The following DYM variants were observed in gnomAD, a reference collection of about 807,000 sequenced individuals.
DYM encodes dymeclin, also known as dyggve-Melchior-Clausen syndrome protein.
In DYM, 78 loss-of-function variants were observed where a neutral mutation model predicts 93.1. That is an observed-to-expected ratio of 0.84 (90% CI 0.70 to 1.01). The LOEUF is 1.01. DYM is among the 50% of genes least tolerant of loss of function. DYM has a pLI of 0.00. For missense variants in DYM, 789 were observed against 845.0 expected (o/e 0.93, Z 0.82); for synonymous variants, 321 against 319.7 (o/e 1.00, Z -0.04).
At chr18:49,270,262 A>T (rs1341472116) in intron 11 of DYM, among the ~76,000 whole-genome samples, 1 of 152,244 alleles carries the variant, frequency 6.6e-6, no homozygotes, top group Non-Finnish European at 1.5e-5. Context: ...TCAGCCTTAA[A>T]AAAGAAGACC....
intron 15 of DYM, among the ~76,000 whole-genome samples, chr18:49,151,707 A>G (rs1412167067): frequency 6.6e-6 from 1 of 152,180 alleles, no homozygotes; most frequent in Non-Finnish European, 1.5e-5. Context: ...GGTTTCAAGA[A>G]TTAGATGCTT....
chr18:49,382,787 C>A (rs1401337039), intron 3 of DYM, among the ~76,000 whole-genome samples: 3 of 152,174 alleles, frequency 2.0e-5, no homozygotes, highest in African/African-American at 7.2e-5. Context: ...TTGTAGCAGT[C>A]TGTTAACTAG....
intron 2 of DYM, among the ~76,000 whole-genome samples, chr18:49,395,573 G>A (rs1486519299): frequency 1.3e-5 from 2 of 151,830 alleles, no homozygotes; most frequent in African/African-American, 4.8e-5. Flanking sequence ...AGGTTGTGGT[G>A]AGCCAAGATT....
chr18:49,162,746 C>A (rs1273504567), intron 15 of DYM, among the ~76,000 whole-genome samples: 1 of 152,220 alleles, frequency 6.6e-6, no homozygotes, highest in Non-Finnish European at 1.5e-5. Flanking sequence ...CTGATGAGAG[C>A]AGAGCCAATT....
At chr18:49,400,827 T>C (rs1453388769) in intron 2 of DYM, among the ~76,000 whole-genome samples, 7 of 152,182 alleles carry the variant, frequency 4.6e-5, no homozygotes. Context: ...AATGAGGTAG[T>C]AAGGAACTGG....
chr18:49,335,053 G>C (rs999587646), intron 6 of DYM, among the ~76,000 whole-genome samples: 4 of 152,162 alleles, frequency 2.6e-5, no homozygotes, highest in African/African-American at 7.2e-5. Context: ...GTTGCAGTGA[G>C]CCAAGATCGT....
chr18:49,244,310 G>A (rs958624635), intron 13 of DYM, among the ~76,000 whole-genome samples: 5 of 152,174 alleles, frequency 3.3e-5, no homozygotes, highest in African/African-American at 1.2e-4. Context: ...GGGTGTCTGG[G>A]ACCCCCACTA....
intron 17 of DYM, among the ~76,000 whole-genome samples, chr18:49,092,221 G>A (rs1568406058): frequency 6.6e-6 from 1 of 152,180 alleles, no homozygotes; most frequent in Non-Finnish European, 1.5e-5. Context: ...GAGAGAAATA[G>A]GGGAGTCCTA....
At chr18:49,397,224 C>T (rs2070213976) in intron 2 of DYM, among the ~76,000 whole-genome samples, 1 of 152,118 alleles carries the variant, frequency 6.6e-6, no homozygotes, top group African/African-American at 2.4e-5. Flanking sequence ...AAAATGATAA[C>T]TATTATTGAT....
chr18:49,091,055 T>G, intron 17 of DYM, among the ~76,000 whole-genome samples: 1 of 152,210 alleles, frequency 6.6e-6, no homozygotes, highest in East Asian at 1.9e-4. Flanking sequence ...GCTGACCTTT[T>G]AAGAGTCTAT....
At chr18:49,343,024 G>A (rs945363726) in intron 6 of DYM, among the ~76,000 whole-genome samples, 2 of 152,164 alleles carry the variant, frequency 1.3e-5, no homozygotes, top group African/African-American at 2.4e-5. Flanking sequence ...TAAAAATAGC[G>A]AGAACAGAAT....
chr18:49,177,614 AT>A (rs2089523891), intron 14 of DYM, among the ~76,000 whole-genome samples: 1 of 152,268 alleles, frequency 6.6e-6, no homozygotes, highest in Non-Finnish European at 1.5e-5. Context: ...CTATAAAAAA[AT>A]CTTATGTCTG....
chr18:49,264,173 A>G (rs538885991), intron 11 of DYM, among the ~76,000 whole-genome samples: 50 of 149,938 alleles, frequency 3.3e-4, no homozygotes, highest in Non-Finnish European at 5.2e-4. Context: ...GCTTTACAAT[A>G]TTTCATTTAC....
At chr18:49,383,297 A>G (rs1427590795) in intron 3 of DYM, among the ~76,000 whole-genome samples, 1 of 152,110 alleles carries the variant, frequency 6.6e-6, no homozygotes, top group African/African-American at 2.4e-5. Context: ...TTTTTTTTTA[A>G]GAATCCTTAT....
At chr18:49,121,974 G>A (rs2082419244) in intron 15 of DYM, among the ~76,000 whole-genome samples, 1 of 152,168 alleles carries the variant, frequency 6.6e-6, no homozygotes, top group Non-Finnish European at 1.5e-5. Context: ...CACAAGGGAA[G>A]CGAGATATTT....
At chr18:49,238,032 C>T (rs556301540) in intron 13 of DYM, among the ~76,000 whole-genome samples, 3 of 151,738 alleles carry the variant, frequency 2.0e-5, no homozygotes, top group African/African-American at 7.3e-5. Flanking sequence ...TAAACTAGTA[C>T]ATTGTCATTT....
At chr18:49,422,705 T>C (rs139979789) in intron 2 of DYM, among the ~76,000 whole-genome samples, 2,312 of 152,104 alleles carry the variant, frequency 0.015, 33 homozygotes, top group Non-Finnish European at 0.024. Flanking sequence ...GAGGAAGATA[T>C]AACAAGCAAA....
chr18:49,241,364 A>G (rs1568084382), intron 13 of DYM, among the ~76,000 whole-genome samples: 1 of 152,216 alleles, frequency 6.6e-6, no homozygotes, highest in Non-Finnish European at 1.5e-5. Context: ...TATTAGCTAC[A>G]TGACCTTGGC....
chr18:49,324,184 G>A (rs891482699), intron 8 of DYM, among the ~76,000 whole-genome samples: 2 of 146,666 alleles, frequency 1.4e-5, no homozygotes, highest in Non-Finnish European at 3.0e-5. Flanking sequence ...TAACACGGCA[G>A]GGTGATGTGC....
Sources: gnomAD v4.1 joint callset for allele counts (sites outside exome capture counted in the v4.1 genomes callset) on GRCh38, gnomAD v4.1.1 for gene constraint, MANE v1.5 for transcripts, NCBI Gene and HGNC (gene_info 2026-07-23, HGNC 2026-07-21) for gene names.